GRHL2: variants seen among roughly 807,000 people sequenced by gnomAD.
The protein encoded by GRHL2 is grainyhead-like protein 2 homolog.
GRHL2 carries 21 observed loss-of-function variants against 83.8 expected under a neutral mutation model. That is an observed-to-expected ratio of 0.25 (90% CI 0.18 to 0.36). The LOEUF (loss-of-function observed/expected upper bound fraction) is 0.36, where lower values mean the gene tolerates loss of function less well. Ranked by LOEUF, GRHL2 falls within the 10% of genes least tolerant of loss-of-function variation. The pLI is 1.00. For synonymous variants in GRHL2, 280 were observed against 278.9 expected, an observed-to-expected ratio of 1.00 and a Z score of -0.04; for missense variants, 623 against 781.8, an observed-to-expected ratio of 0.80 and a Z score of 2.42.
Position 101,668,595 on chromosome 8 carries a change from C to T in GRHL2, c.*1892C>T, listed in dbSNP as rs941761277. 6.5e-6 allele frequency: 1 copy of T among 153,074 alleles called. No individual in the cohort carries two copies. Among genetic ancestry groups the T allele is most frequent in the African/African-American group, 2.4e-5 (1 of 41,442 alleles). The allele number at this position is 153,074 out of a possible 1,614,324, so 9.5% of individuals were successfully genotyped here. ...TGGATCCAGCTGTGCTCCAGTCTGT[C>T]CCCTCCTCCTCCACTCTGACTGCCA... On this transcript the variant is annotated 3_prime_UTR_variant, in exon 16 of 16. Transcript: ENST00000646743.
At chr8:101,640,228 T>TA (rs1231348398) in intron 12 of GRHL2, among the ~76,000 whole-genome samples, 3 of 152,226 alleles carry the variant, frequency 2.0e-5, no homozygotes, top group Admixed American at 2.0e-4. Flanking sequence ...TTTTCTCATC[T>TA]AAAAATAGCA....
At chr8:101,499,502 C>T (rs868176729) in intron 1 of GRHL2, among the ~76,000 whole-genome samples, 12 of 152,040 alleles carry the variant, frequency 7.9e-5, no homozygotes, top group Non-Finnish European at 8.8e-5. Flanking sequence ...ATAGAGATAA[C>T]GGTGAGTCTG....
At chr8:101,506,356 C>T (rs1332309103) in intron 1 of GRHL2, among the ~76,000 whole-genome samples, 1 of 152,160 alleles carries the variant, frequency 6.6e-6, no homozygotes, top group Non-Finnish European at 1.5e-5. Flanking sequence ...ATAATTCCAG[C>T]ACCCTGTTAA....
intron 8 of GRHL2, among the ~76,000 whole-genome samples, chr8:101,615,744 A>C (rs959336963): frequency 6.6e-6 from 1 of 152,150 alleles, no homozygotes; most frequent in African/African-American, 2.4e-5. Flanking sequence ...TCTTTAGAGC[A>C]CCATCGTATA....
chr8:101,642,527 T>C (rs750990119), intron 12 of GRHL2, among the ~76,000 whole-genome samples: 23 of 152,328 alleles, frequency 1.5e-4, no homozygotes, highest in African/African-American at 2.2e-4. Context: ...CCTGAGGCCA[T>C]GGTCACTTTA....
intron 8 of GRHL2, 74 bp downstream of exon 8, chr8:101,599,225 C>G: frequency 3.0e-6 from 3 of 985,096 alleles, no homozygotes; most frequent in African/African-American, 1.6e-5. Context: ...TTTTTAAAAG[C>G]CTGTATCAGT....
At position 101,574,021 on chromosome 8, in the gene GRHL2, G is replaced by A. The variant is rs142158519; in HGVS notation, c.891+197G>A. ...GTAATCAGTAACCAGTAAACCCCAG[G>A]GAAGGGACATGGTTGGAACATGCTG... On this transcript the variant is annotated intron_variant, in intron 6 of 15. Transcript: ENST00000646743. 2.2e-3 allele frequency among the ~76,000 whole-genome samples: 332 copies of A among 152,302 alleles called. 1 individual carries two copies. The highest frequency in any genetic ancestry group is 7.5e-3 in the African/African-American group (310 of 41,568).
At chr8:101,672,456 A>G (rs975087320), downstream of GRHL2, among the ~76,000 whole-genome samples, 1 of 151,754 alleles carries the variant, frequency 6.6e-6, no homozygotes, top group Non-Finnish European at 1.5e-5. Flanking sequence ...GGGTATCAGC[A>G]ATGGAAGATG....
chr8:101,680,495 C>A, the GRHL2 span, among the ~76,000 whole-genome samples: 673 of 111,384 alleles, frequency 6.0e-3, no homozygotes, highest in South Asian at 0.01. Context: ...TAACACCCCA[C>A]TGTCAACATT....
intron 14 of GRHL2, among the ~76,000 whole-genome samples, chr8:101,650,775 C>A (rs1412384547): frequency 6.6e-6 from 1 of 151,280 alleles, no homozygotes; most frequent in African/African-American, 2.4e-5. Context: ...GAATTATACA[C>A]TTTAAGATGG....
the GRHL2 span, among the ~76,000 whole-genome samples, chr8:101,676,415 C>A: frequency 7.2e-5 from 11 of 151,950 alleles, no homozygotes; most frequent in East Asian, 1.9e-4. Context: ...TGAACAGACA[C>A]TTCTCAAAAG....
At chr8:101,615,749 C>T (rs1337282480) in intron 8 of GRHL2, among the ~76,000 whole-genome samples, 2 of 152,120 alleles carry the variant, frequency 1.3e-5, no homozygotes, top group East Asian at 1.9e-4. Context: ...AGAGCACCAT[C>T]GTATATTCTC....
chr8:101,552,734 T>A lies in GRHL2; in HGVS notation c.236T>A (p.Leu79Gln). ...TTCCAGGTTCCTCGAGACAAGAGGC[T>A]GCTGTCTGTAAGCAAAGCAAGTGAC... ...DYYKVPRDKR[L>Q]LSVSKASDSQ... is the part of the protein sequence containing the mutation. Residue 79 changes from leucine (L) to glutamine (Q), a missense_variant, in exon 3 of 16, where the codon CTG (leucine) becomes CAG (glutamine). Leu to Gln is a moderately radical substitution (Grantham distance 113, BLOSUM62 -2). Around this residue, in one of 8 missense-constraint regions of GRHL2, gnomAD observed 239 missense variants for 240.5 expected, o/e 0.99. Transcript: ENST00000646743. 6.2e-7 allele frequency: 1 copy of A among 1,614,154 alleles called. No individual in the cohort carries two copies. Among genetic ancestry groups the A allele is most frequent in the Non-Finnish European group, 8.5e-7 (1 of 1,180,006 alleles).
At chr8:101,609,001 T>G (rs1812693764) in intron 8 of GRHL2, among the ~76,000 whole-genome samples, 1 of 149,400 alleles carries the variant, frequency 6.7e-6, no homozygotes, top group Non-Finnish European at 1.5e-5. Flanking sequence ...CTCAGGAGAG[T>G]GTGACACTCA....
intron 7 of GRHL2, among the ~76,000 whole-genome samples, chr8:101,595,854 C>T (rs1812379450): frequency 6.6e-6 from 1 of 152,122 alleles, no homozygotes; most frequent in South Asian, 2.1e-4. Context: ...GGTGCCGTGG[C>T]TCACACCTGT....
chr8:101,602,878 GC>G (rs1563602404), intron 8 of GRHL2, among the ~76,000 whole-genome samples: 1 of 152,186 alleles, frequency 6.6e-6, no homozygotes, highest in African/African-American at 2.4e-5. Context: ...CAGTCTTTCT[GC>G]CCCGGAGCTC....
At position 101,623,848 on chromosome 8, in the gene GRHL2, T is replaced by G. The variant is rs539287733; in HGVS notation, c.1257+4151T>G. 2.1e-5 allele frequency among the ~76,000 whole-genome samples: 3 copies of G among 145,420 alleles called. No homozygotes were observed. In the East Asian group the frequency reaches 6.2e-4, roughly 30 times the overall value. ...AGTAGGACAGTACACAGTAGGACAG[T>G]TTACAATACACAGTAGGACAGTACA... On this transcript the variant is annotated intron_variant, in intron 9 of 15. Coordinates refer to ENST00000646743, the MANE Select transcript of GRHL2 (RefSeq NM_024915.4).
At chr8:101,503,335 G>A (rs2129977791) in intron 1 of GRHL2, among the ~76,000 whole-genome samples, 1 of 152,320 alleles carries the variant, frequency 6.6e-6, no homozygotes, top group Non-Finnish European at 1.5e-5. Flanking sequence ...CAAAGAGCAT[G>A]AGTAGACAAT....
Position 101,644,157 on chromosome 8 carries a change from T to A in GRHL2, c.1544T>A (p.Phe515Tyr). 1 of 1,614,192 alleles carries A rather than the reference T, an allele frequency of 6.2e-7. No individual in the cohort carries two copies. Among genetic ancestry groups the A allele is most frequent in the East Asian group, 2.2e-5 (1 of 44,876 alleles). ...EGGSVLVKRM[F>Y]RPMEEEFGPV... ...GGCAGTGTCCTTGTTAAACGGATGTTCCGGCCCATGGAAGAGGAGTTTGGT... is the reference window on the plus strand; with the variant it reads ...GGCAGTGTCCTTGTTAAACGGATGTACCGGCCCATGGAAGAGGAGTTTGGT... The change falls in exon 13 of 16, where the codon TTC (phenylalanine) becomes TAC (tyrosine). Residue 515 changes from phenylalanine (F) to tyrosine (Y), a missense_variant. This residue lies in a region of GRHL2 where 210 missense variants were observed against 254.8 expected (regional missense o/e 0.82). Coordinates refer to ENST00000646743, the MANE Select transcript of GRHL2 (RefSeq NM_024915.4).
Sources: gnomAD v4.1 joint callset for allele counts (sites outside exome capture counted in the v4.1 genomes callset) on GRCh38, gnomAD v4.1.1 for gene constraint, gnomAD v4.1.1 regional missense constraint, MANE v1.5 for transcripts, NCBI Gene and HGNC (gene_info 2026-07-23, HGNC 2026-07-21) for gene names.